Variants in VAV2 observed in about 807,000 individuals in gnomAD.
The protein encoded by VAV2 is vav guanine nucleotide exchange factor 2.
Under a neutral mutation model 132.5 loss-of-function variants are expected in VAV2, and 67 were observed. The observed-to-expected ratio is 0.51, with a 90% confidence interval of 0.42 to 0.62. The LOEUF is 0.62. VAV2 is among the 20% of genes least tolerant of loss of function. The probability of loss-of-function intolerance (pLI) is 0.00; values close to 1 mark genes in which losing one functional copy is unlikely to be tolerated. For missense variants in VAV2, 938 were observed against 1,153.6 expected, an observed-to-expected ratio of 0.81 and a Z score of 2.71; for synonymous variants, 492 against 443.5, an observed-to-expected ratio of 1.11 and a Z score of -1.37.
chr9:133,939,537 C>T (rs763635080), intron 1 of VAV2, among the ~76,000 whole-genome samples: 3 of 152,184 alleles, frequency 2.0e-5, no homozygotes, highest in Admixed American at 1.3e-4. Context: ...TCAGAAGACA[C>T]GCCACTCCCC....
chr9:133,938,686 T>G (rs2789847), intron 2 of VAV2, among the ~76,000 whole-genome samples: 1 of 151,910 alleles, frequency 6.6e-6, no homozygotes. Context: ...CGCTTTCCCC[T>G]CCTCATCTCC....
chr9:133,938,959 C>T (rs781152076), intron 2 of VAV2, 144 bp downstream of exon 2: 56 of 772,684 alleles, frequency 7.2e-5, no homozygotes, highest in Middle Eastern at 7.3e-4. Flanking sequence ...CCTGCCTGCA[C>T]CTCCCGGACA....
rs964244778 is a variant in VAV2 at position 133,865,601 on chromosome 9, T to C, written c.322-4169A>G. Among the ~76,000 whole-genome samples, 4 of 152,372 alleles carry C rather than the reference T, an allele frequency of 2.6e-5. No homozygotes were observed. In the South Asian group the frequency reaches 6.2e-4, roughly 24 times the overall value. On this transcript the variant is annotated intron_variant, in intron 2 of 29. Coordinates refer to ENST00000371850, the MANE Select transcript of VAV2 (RefSeq NM_001134398.2). ...CATCTGTTCTTTTTGTCTTGCTTGT[T>C]TGCTCATCATTTTCTCTTCTTTTCT... is the stretch of plus-strand genomic sequence containing the variant.
At chr9:133,906,570 T>C (rs2132029771) in intron 2 of VAV2, among the ~76,000 whole-genome samples, 1 of 152,030 alleles carries the variant, frequency 6.6e-6, no homozygotes. Flanking sequence ...ACCAGGTCCA[T>C]GAAAACACTG....
chr9:133,840,219 G>A lies in VAV2; in HGVS notation c.381-5879C>T, dbSNP rs546242488. 6.6e-6 allele frequency among the ~76,000 whole-genome samples: 1 copy of A among 152,336 alleles called. No individual in the cohort carries two copies. Among genetic ancestry groups the A allele is most frequent in the African/African-American group, 2.4e-5 (1 of 41,574 alleles). ...CTCCCACCAGAGCCTTCCTGAGCAT[G>A]CATTTCCTCGTGCCCGGCTTCGGGA... is the stretch of plus-strand genomic sequence containing the variant. On this transcript the variant is annotated intron_variant, in intron 3 of 29. Transcript: ENST00000371850. The surrounding 1 kb of genome is among the most constrained non-coding windows in gnomAD (Gnocchi z 4.5).
chr9:133,844,292 G>A (rs1303094592), intron 3 of VAV2, among the ~76,000 whole-genome samples: 1 of 152,222 alleles, frequency 6.6e-6, no homozygotes, highest in Non-Finnish European at 1.5e-5. Flanking sequence ...GAAGGAAATG[G>A]CCAGTGGTCC....
intron 1 of VAV2, among the ~76,000 whole-genome samples, chr9:133,968,418 G>C (rs1375533186): frequency 2.0e-5 from 3 of 151,984 alleles, no homozygotes; most frequent in South Asian, 2.1e-4. Flanking sequence ...AAAAGGTTGT[G>C]GGGGGGAAAA....
In VAV2 at chr9:133,880,897, G is replaced by A. The variant is rs557726449; in HGVS notation, c.322-19465C>T. On this transcript the variant is annotated intron_variant, in intron 2 of 29. Transcript: ENST00000371850. ...CGGTCGGCCCTCCAGGACACTGGCC[G>A]TGGCTCAGGATGGAGGCAGGTGAAC... Among the ~76,000 whole-genome samples, 45 of 152,402 alleles carry A rather than the reference G, an allele frequency of 3.0e-4. 1 individual carries two copies. In the South Asian group the frequency reaches 8.3e-3, roughly 28 times the overall value.
intron 8 of VAV2, 30 bp from the exon 9 acceptor site, chr9:133,806,211 G>C (rs1280845726): frequency 1.3e-6 from 2 of 1,598,534 alleles, no homozygotes; most frequent in Admixed American, 3.4e-5. Flanking sequence ...TGAGTGCCTG[G>C]CCAGGCCCAC....
At chr9:133,852,940 G>C (rs1837243220) in intron 3 of VAV2, among the ~76,000 whole-genome samples, 1 of 152,186 alleles carries the variant, frequency 6.6e-6, no homozygotes, top group South Asian at 2.1e-4. Flanking sequence ...TGTGCACCAT[G>C]CACTTCCCGT....
intron 2 of VAV2, among the ~76,000 whole-genome samples, chr9:133,937,985 C>T (rs890648021): frequency 2.6e-5 from 4 of 152,242 alleles, no homozygotes; most frequent in African/African-American, 9.6e-5. Flanking sequence ...GCTCCGGGAT[C>T]GCCCTTGTTC....
chr9:133,942,568 T>G (rs1841205386), intron 1 of VAV2, among the ~76,000 whole-genome samples: 1 of 152,282 alleles, frequency 6.6e-6, no homozygotes, highest in South Asian at 2.1e-4. Flanking sequence ...GACTATTTTT[T>G]GAATATGGCT....
At chr9:133,859,490 C>T (rs892589079) in intron 3 of VAV2, among the ~76,000 whole-genome samples, 6 of 152,220 alleles carry the variant, frequency 3.9e-5, no homozygotes, top group Admixed American at 1.3e-4. Context: ...GTGGGGTCTG[C>T]GGCACCAGGC....
chr9:133,874,894 A>G (rs1422395809), intron 2 of VAV2, among the ~76,000 whole-genome samples: 1 of 152,162 alleles, frequency 6.6e-6, no homozygotes, highest in Non-Finnish European at 1.5e-5. Context: ...GGCGCTGTGC[A>G]TGGTCCGAGC....
intron 12 of VAV2, among the ~76,000 whole-genome samples, chr9:133,795,175 G>C (rs1447077693): frequency 6.6e-6 from 1 of 152,234 alleles, no homozygotes; most frequent in East Asian, 1.9e-4. Context: ...AGGTTTCTGA[G>C]CAAGGGAGTG....
chr9:133,974,953 C>G (rs1842459108), intron 1 of VAV2, among the ~76,000 whole-genome samples: 1 of 152,214 alleles, frequency 6.6e-6, no homozygotes. Flanking sequence ...CGGGCCTCAC[C>G]CACCCTCCTG....
Position 133,935,841 on chromosome 9 carries a change from C to T in VAV2, c.321+3262G>A, listed in dbSNP as rs768515590. Among the ~76,000 whole-genome samples the T allele has an allele frequency of 2.0e-5, 3 of 152,296 alleles. No homozygotes were observed. Among genetic ancestry groups the T allele is most frequent in the Admixed American group, 6.5e-5 (1 of 15,298 alleles). Reference sequence around the variant, plus strand: ...CACGCTGAAGGGCAAGTGCGGGTTCCGGCTCCATTGCTCCCAAGTGTGCCA... The same window carrying T: ...CACGCTGAAGGGCAAGTGCGGGTTCTGGCTCCATTGCTCCCAAGTGTGCCA... On this transcript the variant is annotated intron_variant, in intron 2 of 29. Coordinates refer to ENST00000371850, the MANE Select transcript of VAV2 (RefSeq NM_001134398.2). This position sits in a 1 kb window ranked among gnomAD's most constrained non-coding sequence, Gnocchi z 5.2.
intron 9 of VAV2, among the ~76,000 whole-genome samples, chr9:133,801,833 C>T (rs376292040): frequency 7.0e-4 from 107 of 152,226 alleles, no homozygotes; most frequent in African/African-American, 2.5e-3. Flanking sequence ...CAGGAACACC[C>T]GGGGCCTCCA....
intron 2 of VAV2, among the ~76,000 whole-genome samples, chr9:133,934,061 T>C (rs1010008992): frequency 1.5e-5 from 2 of 136,582 alleles, no homozygotes; most frequent in African/African-American, 6.1e-5. Context: ...GATGAATGAT[T>C]GATGGATAGA....
Sources: allele counts gnomAD v4.1 joint callset (sites outside exome capture counted in the v4.1 genomes callset), GRCh38; gene constraint gnomAD v4.1.1; non-coding constraint Gnocchi (gnomAD v3.1); transcripts MANE v1.5; gene names NCBI Gene and HGNC (gene_info 2026-07-23, HGNC 2026-07-21).